Variants in TIAM1 observed in about 807,000 individuals in gnomAD.
TIAM1 encodes rho guanine nucleotide exchange factor TIAM1.
TIAM1 carries 65 observed loss-of-function variants against 163.5 expected under a neutral mutation model. The ratio of observed to expected loss-of-function variants is 0.40; its 90% CI spans 0.33 to 0.49. TIAM1 has a LOEUF of 0.49. Ranked by LOEUF, TIAM1 falls within the 20% of genes least tolerant of loss-of-function variation. TIAM1 has a pLI of 0.77. For missense variants in TIAM1, 1,789 were observed against 2,044.7 expected (o/e 0.87, Z 2.41); for synonymous variants, 833 against 810.1 (o/e 1.03, Z -0.48).
At chr21:31,500,239 A>G (rs1046960121) in intron 1 of TIAM1, among the ~76,000 whole-genome samples, 11 of 152,316 alleles carry the variant, frequency 7.2e-5, no homozygotes, top group African/African-American at 2.6e-4. Flanking sequence ...TGGAAAGGCC[A>G]GCTTGCTGTC....
At chr21:31,183,340 C>G (rs2085125810) in intron 14 of TIAM1, among the ~76,000 whole-genome samples, 1 of 152,160 alleles carries the variant, frequency 6.6e-6, no homozygotes, top group Admixed American at 6.5e-5. Context: ...CCTAGAAGAA[C>G]AGCAAGTTGA....
In TIAM1 at chr21:31,389,852, T is replaced by C. The variant is rs74591900; in HGVS notation, c.-368-50430A>G. ...TTCCTAAAGCACATATTTATAACTA[T>C]AAATGTCAAGCCTCCACTCTGAGTT... On this transcript the variant is annotated intron_variant, in intron 2 of 28. Transcript: ENST00000286827. Among the ~76,000 whole-genome samples the C allele has an allele frequency of 2.4e-3, 363 of 152,318 alleles. 17 individuals carry two copies. In the East Asian group the frequency reaches 0.06, roughly 25 times the overall value.
chr21:31,385,547 A>G (rs2076851373), intron 2 of TIAM1, among the ~76,000 whole-genome samples: 2 of 151,984 alleles, frequency 1.3e-5, no homozygotes, highest in African/African-American at 4.8e-5. Context: ...GATCTGTACA[A>G]GTGAAACATT....
intron 7 of TIAM1, among the ~76,000 whole-genome samples, chr21:31,224,554 C>T (rs1215640019): frequency 6.6e-6 from 1 of 152,078 alleles, no homozygotes; most frequent in African/African-American, 2.4e-5. Context: ...GACAGAGTGC[C>T]GGGGGCAGAG....
In TIAM1 at chr21:31,141,075, T is replaced by G. The variant is rs1168412012; in HGVS notation, c.3774+43A>C. 6.9e-7 allele frequency: 1 copy of G among 1,457,916 alleles called. No homozygotes were observed. Among genetic ancestry groups the G allele is most frequent in the Non-Finnish European group, 9.4e-7 (1 of 1,069,094 alleles). The allele number at this position is 1,457,916 out of a possible 1,614,324, so 90.3% of individuals were successfully genotyped here. On this transcript the variant is annotated intron_variant, in intron 22 of 27. Transcript: ENST00000541036. This position sits in a 1 kb window ranked among gnomAD's most constrained non-coding sequence, Gnocchi z 4.7. ...TAAATAAATAAAAGCAAACTCAAAC[T>G]CGGCTTTCCTGACAGATGTCCTGAG... is the stretch of plus-strand genomic sequence containing the variant.
intron 1 of TIAM1, among the ~76,000 whole-genome samples, chr21:31,468,701 G>A (rs1170779280): frequency 1.3e-5 from 2 of 152,018 alleles, no homozygotes; most frequent in African/African-American, 2.4e-5. Context: ...GCGTGAACCC[G>A]GGAGGCGGAA....
intron 1 of TIAM1, among the ~76,000 whole-genome samples, chr21:31,544,532 G>A (rs541427581): frequency 2.0e-5 from 3 of 152,094 alleles, no homozygotes; most frequent in Non-Finnish European, 4.4e-5. Context: ...GGAGGCTGAG[G>A]CAGGAGAATC....
chr21:31,491,893 C>T (rs980504222), intron 1 of TIAM1, among the ~76,000 whole-genome samples: 9 of 152,170 alleles, frequency 5.9e-5, no homozygotes, highest in Non-Finnish European at 1.0e-4. Flanking sequence ...AAGAATTTCA[C>T]GTAGGACTCT....
At chr21:31,540,033 C>T (rs972389062) in intron 1 of TIAM1, among the ~76,000 whole-genome samples, 6 of 141,492 alleles carry the variant, frequency 4.2e-5, no homozygotes, top group Admixed American at 1.4e-4. Flanking sequence ...CTCAAAAAAA[C>T]ATAAAAAAAA....
chr21:31,495,963 G>A (rs1004363367), intron 1 of TIAM1, among the ~76,000 whole-genome samples: 3 of 150,404 alleles, frequency 2.0e-5, no homozygotes, highest in African/African-American at 7.3e-5. Flanking sequence ...CAGAGTGAGG[G>A]TCTCAAAAAA....
chr21:31,442,084 T>TATATATATATATATATAGATAG (rs1389424801), intron 2 of TIAM1, among the ~76,000 whole-genome samples: 3 of 122,692 alleles, frequency 2.4e-5, no homozygotes, highest in African/African-American at 9.4e-5. Flanking sequence ...TATATATATA[T>TATATATATATATATATAGATAG]ATAGAACAAT....
Position 31,526,366 on chromosome 21 carries a change from C to T in TIAM1, c.-422+32561G>A, listed in dbSNP as rs200614924. ...CTGACTTTGATGAGTGCATGCACGG[C>T]GGAAACTTCTGGAAACTTCTGGTTT... On this transcript the variant is annotated intron_variant, in intron 1 of 28. Transcript: ENST00000286827. Among the ~76,000 whole-genome samples the T allele has an allele frequency of 9.3e-4, 141 of 152,318 alleles. 3 individuals are homozygous for T. The East Asian group carries it at 0.019, about 21-fold the overall frequency.
At chr21:31,236,247 C>G (rs2088747273) in intron 6 of TIAM1, among the ~76,000 whole-genome samples, 7 of 152,186 alleles carry the variant, frequency 4.6e-5, no homozygotes. Context: ...CGGAGTGAGC[C>G]AAATTCTTTA....
intron 1 of TIAM1, among the ~76,000 whole-genome samples, chr21:31,481,233 T>C (rs1220231648): frequency 6.6e-6 from 1 of 152,124 alleles, no homozygotes; most frequent in Non-Finnish European, 1.5e-5. Context: ...CACTCAACAA[T>C]AAGATTTAAC....
chr21:31,142,534 G>A (rs2082896144), intron 20 of TIAM1, among the ~76,000 whole-genome samples: 2 of 149,538 alleles, frequency 1.3e-5, no homozygotes, highest in African/African-American at 2.5e-5. Context: ...AGGAGGTGGA[G>A]GCAGGAGAAT....
chr21:31,406,066 A>C (rs1305776915), intron 2 of TIAM1, among the ~76,000 whole-genome samples: 1 of 152,118 alleles, frequency 6.6e-6, no homozygotes, highest in African/African-American at 2.4e-5. Context: ...TCTCAAAGAT[A>C]CACAAACGTG....
At chr21:31,559,044 G>T (rs1217197115), upstream of TIAM1, 1 of 151,842 alleles carries the variant, frequency 6.6e-6, no homozygotes, top group African/African-American at 2.4e-5. Context: ...GCCCGACGGC[G>T]GCGGCGCTGC....
chr21:31,303,326 C>T (rs773747295), intron 2 of TIAM1, among the ~76,000 whole-genome samples: 119 of 152,270 alleles, frequency 7.8e-4, no homozygotes, highest in Non-Finnish European at 1.4e-3. Flanking sequence ...ACAGAGGTTT[C>T]CCCCACACAC....
intron 1 of TIAM1, among the ~76,000 whole-genome samples, chr21:31,487,519 C>T (rs528842393): frequency 1.0e-3 from 155 of 151,214 alleles, no homozygotes; most frequent in South Asian, 1.9e-3. Context: ...TACAGGTGGC[C>T]GCCACCATGC....
Sources: gnomAD v4.1 joint callset for allele counts (sites outside exome capture counted in the v4.1 genomes callset) on GRCh38, gnomAD v4.1.1 for gene constraint, Gnocchi (gnomAD v3.1) non-coding constraint, MANE v1.5 for transcripts, NCBI Gene and HGNC (gene_info 2026-07-23, HGNC 2026-07-21) for gene names.